Variants in NEO1 observed in about 807,000 individuals in gnomAD.
NEO1 encodes the protein neogenin.
Under a neutral mutation model 159.7 loss-of-function variants are expected in NEO1, and 63 were observed. The ratio of observed to expected loss-of-function variants is 0.39; its 90% CI spans 0.32 to 0.49. The LOEUF (loss-of-function observed/expected upper bound fraction) is 0.49, where lower values mean the gene tolerates loss of function less well. Ranked by LOEUF, NEO1 falls within the 20% of genes least tolerant of loss-of-function variation. The pLI is 0.85. For synonymous variants in NEO1, 633 were observed against 662.0 expected, an observed-to-expected ratio of 0.96 and a Z score of 0.67; for missense variants, 1,615 against 1,831.0, an observed-to-expected ratio of 0.88 and a Z score of 2.15.
chr15:73,302,636 C>T lies in NEO1; in HGVS notation c.4326C>T (p.Thr1442=). The change falls in exon 29 of 29, where the codon ACC becomes ACT. Residue 1442 remains threonine (T), a synonymous_variant. Coordinates refer to ENST00000261908, the MANE Select transcript of NEO1 (RefSeq NM_002499.4). ...SESSYEPDEL[T]KEMAHLEGLM... is the part of the protein sequence containing the mutation. The stretch of plus-strand genomic sequence containing the variant: ...AGAGCTATGAACCAGATGAGCTGAC[C>T]AAAGAGATGGCCCACCTGGAAGGAC... 1 of 1,614,048 alleles carries T rather than the reference C, an allele frequency of 6.2e-7. No individual in the cohort carries two copies. The highest frequency in any genetic ancestry group is 8.5e-7 in the Non-Finnish European group (1 of 1,179,944).
intron 7 of NEO1, among the ~76,000 whole-genome samples, chr15:73,187,129 A>G (rs2035977673): frequency 6.6e-6 from 1 of 152,224 alleles, no homozygotes; most frequent in Non-Finnish European, 1.5e-5. Context: ...GATACTTTCA[A>G]TATTATTTTT....
At chr15:73,301,570 T>G in intron 28 of NEO1, 113 bp downstream of exon 28, 2 of 1,385,754 alleles carry the variant, frequency 1.4e-6, no homozygotes, top group Non-Finnish European at 2.0e-6. Flanking sequence ...CCCAGAACTA[T>G]GAAGCAGATA....
chr15:73,183,881 A>G (rs1398233882), intron 7 of NEO1, among the ~76,000 whole-genome samples: 2 of 152,186 alleles, frequency 1.3e-5, no homozygotes, highest in Non-Finnish European at 1.5e-5. Context: ...TCCAAGCTCA[A>G]TTCCTGACTA....
chr15:73,289,025 T>A, intron 24 of NEO1, 121 bp from the exon 25 acceptor site: 1 of 695,442 alleles, frequency 1.4e-6, no homozygotes, highest in Non-Finnish European at 2.5e-6. Context: ...CTTACAGAAA[T>A]GTCTTGTCCC....
chr15:73,215,329 G>A (rs1379221489), intron 7 of NEO1, among the ~76,000 whole-genome samples: 1 of 152,126 alleles, frequency 6.6e-6, no homozygotes, highest in Non-Finnish European at 1.5e-5. Flanking sequence ...AAAAGAAGTG[G>A]TGAGAGTGGG....
chr15:73,174,874 G>C (rs1235291440), intron 5 of NEO1, among the ~76,000 whole-genome samples: 4 of 152,200 alleles, frequency 2.6e-5, no homozygotes, highest in African/African-American at 9.6e-5. Context: ...AGATTTCCCT[G>C]ATTTCATCTT....
intron 7 of NEO1, among the ~76,000 whole-genome samples, chr15:73,199,153 G>A (rs2152045677): frequency 6.6e-6 from 1 of 150,524 alleles, no homozygotes; most frequent in South Asian, 2.1e-4. Flanking sequence ...CATTGGTGAG[G>A]TATTTTGTAG....
At chr15:73,232,413 A>T (rs2038959094) in intron 7 of NEO1, among the ~76,000 whole-genome samples, 1 of 152,218 alleles carries the variant, frequency 6.6e-6, no homozygotes, top group East Asian at 1.9e-4. Context: ...AAATACCTCA[A>T]GCCAATAAGC....
chr15:73,212,512 G>A (rs2152092999), intron 7 of NEO1, among the ~76,000 whole-genome samples: 1 of 152,286 alleles, frequency 6.6e-6, no homozygotes, highest in Admixed American at 6.5e-5. Context: ...GTGTATTTAT[G>A]AAGTGGTGGA....
chr15:73,259,509 G>A (rs545467208), intron 14 of NEO1, among the ~76,000 whole-genome samples: 1 of 151,764 alleles, frequency 6.6e-6, no homozygotes, highest in African/African-American at 2.4e-5. Context: ...CCACGGGTGT[G>A]TGCCAACACA....
In NEO1 at chr15:73,068,801, T is replaced by C. The variant is rs1429948395; in HGVS notation, c.130+15996T>C. 3.9e-5 allele frequency among the ~76,000 whole-genome samples: 6 copies of C among 152,330 alleles called. No homozygotes were observed. In the East Asian group the frequency reaches 7.7e-4, roughly 20 times the overall value. ...ATCTACACTGGGTATTTTGTTGTTG[T>C]TCTCATTTGGTTTAGTTTGATGTCT... On this transcript the variant is annotated intron_variant, in intron 1 of 28. Transcript: ENST00000261908.
At chr15:73,290,517 GCCA>G (rs2042125289) in intron 25 of NEO1, among the ~76,000 whole-genome samples, 1 of 152 alleles carries the variant, frequency 6.6e-3, no homozygotes, top group Non-Finnish European at 0.013. Flanking sequence ...ACAGGCCTGA[GCCA>G]CCACCACCCG....
At chr15:73,173,015 G>A (rs2035062830) in intron 5 of NEO1, among the ~76,000 whole-genome samples, 1 of 152,156 alleles carries the variant, frequency 6.6e-6, no homozygotes, top group Non-Finnish European at 1.5e-5. Flanking sequence ...CAGTCTGTTT[G>A]GTTTGATCTG....
In NEO1 at chr15:73,133,188, C is replaced by T. The variant is rs145137752; in HGVS notation, c.879-2703C>T. Reference sequence around the variant, plus strand: ...ATTGTGGTATGTATATATATATATACGTATATATATATACACATACTACTC... The same window carrying T: ...ATTGTGGTATGTATATATATATATATGTATATATATATACACATACTACTC... On this transcript the variant is annotated intron_variant, in intron 4 of 28. Coordinates refer to ENST00000261908, the MANE Select transcript of NEO1 (RefSeq NM_002499.4). Among the ~76,000 whole-genome samples the T allele has an allele frequency of 3.1e-3, 471 of 151,358 alleles. 2 individuals are homozygous for T. The highest frequency in any genetic ancestry group is 0.011 in the African/African-American group (440 of 41,138).
In NEO1 at chr15:73,204,120, G is replaced by GTT. The variant is rs58954680; in HGVS notation, c.1291+25701_1291+25702dup. On this transcript the variant is annotated intron_variant, in intron 7 of 28. Coordinates refer to ENST00000261908, the MANE Select transcript of NEO1 (RefSeq NM_002499.4). ...TGGATATAGAATGTAAGGTTGGTGG[G>GTT]TTTTTTTTTCAGCACTTTGAATATT... Among the ~76,000 whole-genome samples the GTT allele has an allele frequency of 8.7e-5, 13 of 149,580 alleles. No homozygotes were observed. The South Asian group carries it at 1.9e-3, about 22-fold the overall frequency.
chr15:73,293,277 G>A (rs1457221149), intron 25 of NEO1, 113 bp from the exon 26 acceptor site: 2 of 1,290,294 alleles, frequency 1.6e-6, no homozygotes, highest in Non-Finnish European at 2.2e-6. Context: ...AAAACCAAGG[G>A]AGTGTTTGGA....
rs761182097 is a variant in NEO1, at chr15:73,298,338, C to A, written c.3902-10C>A. 1.1e-5 allele frequency: 18 copies of A among 1,613,068 alleles called. No individual in the cohort carries two copies. Among genetic ancestry groups the A allele is most frequent in the Non-Finnish European group, 1.5e-5 (18 of 1,179,066 alleles). On this transcript the variant is annotated splice_polypyrimidine_tract_variant and intron_variant, in intron 26 of 28. Transcript: ENST00000261908. ...AAAGAAATGCTAACATTTAGACTTT[C>A]CTGCTGTAGAATCCGTTCGAAATAC...
chr15:73,052,834 C>A, intron 1 of NEO1, 29 bp downstream of exon 1: 1 of 519,238 alleles, frequency 1.9e-6, no homozygotes, highest in Non-Finnish European at 2.5e-6. Context: ...CCCGGGGGTT[C>A]GCGGGGGCGC....
chr15:73,058,105 C>A (rs1378893973), intron 1 of NEO1, among the ~76,000 whole-genome samples: 1 of 152,082 alleles, frequency 6.6e-6, no homozygotes, highest in Non-Finnish European at 1.5e-5. Context: ...TGTTGGAGAT[C>A]GTTCCATGCC....
Sources: gnomAD v4.1 joint callset for allele counts (sites outside exome capture counted in the v4.1 genomes callset) on GRCh38, gnomAD v4.1.1 for gene constraint, MANE v1.5 for transcripts, NCBI Gene and HGNC (gene_info 2026-07-23, HGNC 2026-07-21) for gene names.